TCEAL1: variants seen among roughly 807,000 people sequenced by gnomAD.
TCEAL1 encodes transcription elongation factor A like 1.
For missense variants in TCEAL1, 82 were observed against 125.9 expected (o/e 0.65, Z 1.67); for synonymous variants, 48 against 46.0 (o/e 1.04, Z -0.17).
In TCEAL1 at chrX:103,630,583, C is replaced by T. The variant is rs1445631317; in HGVS notation, c.*187C>T. ...TTTCCCCCTAAAATCTACAAGTTTCCCTCTTTCAGTCATGAGCCCTACACA... is the reference window on the plus strand; with the variant it reads ...TTTCCCCCTAAAATCTACAAGTTTCTCTCTTTCAGTCATGAGCCCTACACA... On this transcript the variant is annotated 3_prime_UTR_variant, in exon 3 of 3. Coordinates refer to ENST00000372625, the MANE Select transcript of TCEAL1 (RefSeq NM_004780.3). The T allele has an allele frequency of 1.9e-5, 9 of 469,301 alleles. No individual in the cohort carries two copies. Among genetic ancestry groups the T allele is most frequent in the Non-Finnish European group, 2.4e-5 (7 of 290,351 alleles). 38.7% of individuals were successfully genotyped at this position (469,301 alleles called of 1,213,427 possible). A position where few individuals can be genotyped will look rare whatever the true frequency, so the allele number is the denominator to read the frequency against.
Position 103,630,447 on chromosome X carries a change from A to T in TCEAL1, c.*51A>T. On this transcript the variant is annotated 3_prime_UTR_variant, in exon 3 of 3. Transcript: ENST00000372625. ...GCCTGCTAATAGTATTGCCATTGCC[A>T]CCTGGACTTTCTGTTTGCATTTTCT... is the stretch of plus-strand genomic sequence containing the variant. 9.2e-7 allele frequency: 1 copy of T among 1,087,395 alleles called. No homozygotes were observed. The highest frequency in any genetic ancestry group is 1.2e-6 in the Non-Finnish European group (1 of 832,763). The allele number at this position is 1,087,395 out of a possible 1,213,427, so 89.6% of individuals were successfully genotyped here.
At chrX:103,628,802 CA>C (rs771146891), upstream of TCEAL1, 1 of 111,011 alleles carries the variant, frequency 9.0e-6, no homozygotes, top group East Asian at 2.9e-4. Flanking sequence ...AGGTGAGTGA[CA>C]ATGCCTGGTG....
chrX:103,629,230 G>A lies in TCEAL1; in HGVS notation c.-113+205G>A, dbSNP rs2273119. On this transcript the variant is annotated intron_variant, in intron 1 of 2. Transcript: ENST00000372625. ...AGTACCTCCCCCGTCCCCCGGGAGG[G>A]GGGTACAGACATTTGGAAATAGTTT... Among the ~76,000 whole-genome samples, 5 of 111,653 alleles carry A rather than the reference G, an allele frequency of 4.5e-5. No homozygotes were observed. In the East Asian group the frequency reaches 1.1e-3, roughly 26 times the overall value.
At chrX:103,629,596 G>A (rs1277041665) in intron 2 of TCEAL1, 23 bp downstream of exon 2, 2 of 227,424 alleles carry the variant, frequency 8.8e-6, no homozygotes, top group Non-Finnish European at 1.6e-5. Context: ...CCGGGACTGG[G>A]GCGCGAGGGT....
chrX:103,630,076 T>C lies in TCEAL1; in HGVS notation c.160T>C (p.Leu54=). ...GGAGGAGTTCTTTCCTGAGGAGCTC[T>C]TGCCTGAGCTCCTGCCTGAGATGCT... ...SEEEFFPEEL[L]PELLPEMLLS... is the part of the protein sequence containing the mutation. Residue 54 remains leucine, a synonymous_variant, in exon 3 of 3, where the codon TTG becomes CTG. Transcript: ENST00000372625. 8.3e-7 allele frequency: 1 copy of C among 1,209,471 alleles called. No homozygotes were observed. Among genetic ancestry groups the C allele is most frequent in the Non-Finnish European group, 1.1e-6 (1 of 894,435 alleles).
chrX:103,630,761 G>A lies in TCEAL1; in HGVS notation c.*365G>A. On this transcript the variant is annotated 3_prime_UTR_variant, in exon 3 of 3. Transcript: ENST00000372625. ...GTATAGACTTCAAAGGCATAACAGT[G>A]GTTGTGTGGTAAGATAATAGGTGAT... The A allele has an allele frequency of 7.7e-6, 1 of 130,040 alleles. No homozygotes were observed. Among genetic ancestry groups the A allele is most frequent in the Admixed American group, 9.0e-5 (1 of 11,127 alleles). The allele number at this position is 130,040 out of a possible 1,213,427, so 10.7% of individuals were successfully genotyped here.
rs774757358 is a variant in TCEAL1 at position 103,630,131 on chromosome X, G to T, written c.215G>T (p.Gly72Val). ...LLSEERPPQE[G>V]LSRKDLFEGR... ...TCGGAGGAGCGCCCTCCGCAGGAGG[G>T]TCTTTCCAGGAAGGACCTGTTTGAG... is the stretch of plus-strand genomic sequence containing the variant. The change falls in exon 3 of 3, where the codon GGT (glycine) becomes GTT (valine). Residue 72 changes from glycine (G) to valine (V), a missense_variant. Gly to Val is a moderately radical substitution (Grantham distance 109, BLOSUM62 -3). Coordinates refer to ENST00000372625, the MANE Select transcript of TCEAL1 (RefSeq NM_004780.3). The T allele has an allele frequency of 5.0e-6, 6 of 1,209,571 alleles. No individual in the cohort carries two copies. Among genetic ancestry groups the T allele is most frequent in the Non-Finnish European group, 5.6e-6 (5 of 894,935 alleles).
chrX:103,630,028 T>C lies in TCEAL1; in HGVS notation c.112T>C (p.Ser38Pro), dbSNP rs1309143571. 9 of 1,207,081 alleles carry C rather than the reference T, an allele frequency of 7.5e-6. No individual in the cohort carries two copies. The highest frequency in any genetic ancestry group is 3.0e-5 in the East Asian group (1 of 33,630). Residue 38 changes from serine to proline, a missense_variant, in exon 3 of 3, where the codon TCT becomes CCT. Coordinates refer to ENST00000372625, the MANE Select transcript of TCEAL1 (RefSeq NM_004780.3). ...CGAAAAGCAGTCCCCCGAGGAGCAGTCTTCGGAGGAGCAGTCCTCGGAGGA... is the reference window on the plus strand; with the variant it reads ...CGAAAAGCAGTCCCCCGAGGAGCAGCCTTCGGAGGAGCAGTCCTCGGAGGA... The part of the protein sequence containing the change: ...SPEKQSPEEQ[S>P]SEEQSSEEEF...
Position 103,630,480 on chromosome X carries a change from T to A in TCEAL1, c.*84T>A. The A allele has an allele frequency of 1.0e-6, 1 of 976,099 alleles. No homozygotes were observed. Among genetic ancestry groups the A allele is most frequent in the Non-Finnish European group, 1.4e-6 (1 of 737,111 alleles). 80.4% of individuals were successfully genotyped at this position (976,099 alleles called of 1,213,427 possible). A position where few individuals can be genotyped will look rare whatever the true frequency, so the allele number is the denominator to read the frequency against. ...TTTCTGTTTGCATTTTCTTAATGCC[T>A]TTTCCCATATTCTGAATTTTAACTT... On this transcript the variant is annotated 3_prime_UTR_variant, in exon 3 of 3. Coordinates refer to ENST00000372625, the MANE Select transcript of TCEAL1 (RefSeq NM_004780.3).
rs1281655970 is a variant in TCEAL1, at chrX:103,630,239, G to C, written c.323G>C (p.Arg108Pro). 1 of 1,211,886 alleles carries C rather than the reference G, an allele frequency of 8.3e-7. No homozygotes were observed. The highest frequency in any genetic ancestry group is 1.1e-6 in the Non-Finnish European group (1 of 895,592). ...EEGSFKERLA[R>P]SRPQFRGDIH... ...GGAAGCTTTAAAGAAAGGTTGGCTC[G>C]TTCTCGCCCGCAATTTAGAGGGGAC... The change falls in exon 3 of 3, where the codon CGT becomes CCT. Residue 108 changes from arginine to proline, a missense_variant. Coordinates refer to ENST00000372625, the MANE Select transcript of TCEAL1 (RefSeq NM_004780.3).
Position 103,630,211 on chromosome X carries a change from G to A in TCEAL1, c.295G>A (p.Glu99Lys). 1 of 1,212,026 alleles carries A rather than the reference G, an allele frequency of 8.3e-7. No individual in the cohort carries two copies. The highest frequency in any genetic ancestry group is 1.1e-6 in the Non-Finnish European group (1 of 895,558). The change falls in exon 3 of 3, where the codon GAA becomes AAA. Residue 99 changes from glutamate (E) to lysine (K), a missense_variant. Transcript: ENST00000372625. The stretch of plus-strand genomic sequence containing the variant: ...TGGAGTAGGAAAACATAAGCTTGAA[G>A]AAGGAAGCTTTAAAGAAAGGTTGGC... ...PCGVGKHKLE[E>K]GSFKERLARS... is the part of the protein sequence containing the mutation.
chrX:103,630,249 G>C lies in TCEAL1; in HGVS notation c.333G>C (p.Pro111=), dbSNP rs2073717172. The C allele has an allele frequency of 2.5e-6, 3 of 1,212,028 alleles. No individual in the cohort carries two copies. In the Admixed American group the frequency reaches 6.5e-5, roughly 26 times the overall value. ...SFKERLARSR[P]QFRGDIHGRN... ...AAGAAAGGTTGGCTCGTTCTCGCCCGCAATTTAGAGGGGACATACATGGCA... is the reference window on the plus strand; with the variant it reads ...AAGAAAGGTTGGCTCGTTCTCGCCCCCAATTTAGAGGGGACATACATGGCA... The change falls in exon 3 of 3, where the codon CCG becomes CCC. Residue 111 remains proline (P), a synonymous_variant. Transcript: ENST00000372625.
intron 1 of TCEAL1, among the ~76,000 whole-genome samples, 169 bp downstream of exon 1, chrX:103,629,194 G>A (rs1169829916): frequency 8.9e-6 from 1 of 111,793 alleles, no homozygotes; most frequent in Non-Finnish European, 1.9e-5. Flanking sequence ...TTGGGGCGGG[G>A]TGGGGAGGCG....
In TCEAL1 at chrX:103,629,810, A is replaced by G. The variant is rs921031769; in HGVS notation, c.-32-75A>G. 6 of 976,563 alleles carry G rather than the reference A, an allele frequency of 6.1e-6. No individual in the cohort carries two copies. In the African/African-American group the frequency reaches 7.9e-5, roughly 13 times the overall value. 80.5% of individuals were successfully genotyped at this position (976,563 alleles called of 1,213,427 possible). On this transcript the variant is annotated intron_variant, in intron 2 of 2. Coordinates refer to ENST00000372625, the MANE Select transcript of TCEAL1 (RefSeq NM_004780.3). ...GCCCCCGAATCAGGAAAAGGCAGGTATTGGAACCCACGGCCTGGGTGTTAG... is the reference window on the plus strand; with the variant it reads ...GCCCCCGAATCAGGAAAAGGCAGGTGTTGGAACCCACGGCCTGGGTGTTAG...
At position 103,630,573 on chromosome X, in the gene TCEAL1, T is replaced by C; in HGVS notation, c.*177T>C. ...AAAGTTGAGGTTTCCCCCTAAAATC[T>C]ACAAGTTTCCCTCTTTCAGTCATGA... On this transcript the variant is annotated 3_prime_UTR_variant, in exon 3 of 3. Transcript: ENST00000372625. The C allele has an allele frequency of 7.8e-6, 4 of 510,052 alleles. No individual in the cohort carries two copies. In the South Asian group the frequency reaches 1.7e-4, roughly 22 times the overall value. 42.0% of individuals were successfully genotyped at this position (510,052 alleles called of 1,213,427 possible).
upstream of TCEAL1, chrX:103,628,921 C>T (rs940952587): frequency 1.8e-5 from 2 of 112,323 alleles, no homozygotes; most frequent in African/African-American, 6.5e-5. Context: ...GCGTCCCTCA[C>T]GTGACCAGGA....
chrX:103,630,600 C>A lies in TCEAL1; in HGVS notation c.*204C>A. 2.5e-6 allele frequency: 1 copy of A among 404,578 alleles called. No homozygotes were observed. The highest frequency in any genetic ancestry group is 4.2e-6 in the Non-Finnish European group (1 of 240,942). The allele number at this position is 404,578 out of a possible 1,213,427, so 33.3% of individuals were successfully genotyped here. On this transcript the variant is annotated 3_prime_UTR_variant, in exon 3 of 3. Coordinates refer to ENST00000372625, the MANE Select transcript of TCEAL1 (RefSeq NM_004780.3). ...CAAGTTTCCCTCTTTCAGTCATGAG[C>A]CCTACACATTTGCATGAAAGATGTA...
rs763685742 is a variant in TCEAL1 at position 103,629,998 on chromosome X, T to G, written c.82T>G (p.Ser28Ala). Residue 28 changes from serine to alanine, a missense_variant, in exon 3 of 3, where the codon TCT (serine) becomes GCT (alanine). Physicochemically the swap from Ser to Ala is moderately conservative, Grantham distance 99. Transcript: ENST00000372625. Reference sequence around the variant, plus strand: ...TGAGGAGAGGCCTCCGGTGGAGCACTCTCCCGAAAAGCAGTCCCCCGAGGA... The same window carrying G: ...TGAGGAGAGGCCTCCGGTGGAGCACGCTCCCGAAAAGCAGTCCCCCGAGGA... The part of the protein sequence containing the change: ...TDEERPPVEH[S>A]PEKQSPEEQS... The G allele has an allele frequency of 3.3e-6, 4 of 1,202,293 alleles. No homozygotes were observed. In the South Asian group the frequency reaches 7.2e-5, roughly 22 times the overall value.
rs374247678 is a variant in TCEAL1, at chrX:103,629,950, C to T, written c.34C>T (p.Pro12Ser). 7.3e-5 allele frequency: 84 copies of T among 1,149,578 alleles called. No homozygotes were observed. In the Middle Eastern group the frequency reaches 1.0e-3, roughly 14 times the overall value. 94.7% of individuals were successfully genotyped at this position (1,149,578 alleles called of 1,213,427 possible). The change falls in exon 3 of 3, where the codon CCG (proline) becomes TCG (serine). Residue 12 changes from proline (P) to serine (S), a missense_variant. By Grantham distance (74) the Pro-to-Ser change is moderately conservative (BLOSUM62 -1). Coordinates refer to ENST00000372625, the MANE Select transcript of TCEAL1 (RefSeq NM_004780.3). ...DKPRKENEEEPQSAPKTDEER... is the reference protein window; with the variant it reads ...DKPRKENEEESQSAPKTDEER... ...ACCACGCAAAGAAAATGAAGAAGAG[C>T]CGCAGAGCGCGCCCAAGACCGATGA...
Sources: allele counts gnomAD v4.1 joint callset (sites outside exome capture counted in the v4.1 genomes callset), GRCh38; gene constraint gnomAD v4.1.1; transcripts MANE v1.5; gene names NCBI Gene and HGNC (gene_info 2026-07-23, HGNC 2026-07-21).